LIN7A: variants seen among roughly 807,000 people sequenced by gnomAD.
LIN7A encodes lin-7 cell polarity scaffold A.
In LIN7A, 25 loss-of-function variants were observed where a neutral mutation model predicts 29.8. That is an observed-to-expected ratio of 0.84 (90% CI 0.61 to 1.17). The LOEUF is 1.17. Ranked by LOEUF, LIN7A falls within the 50% of genes most tolerant of loss-of-function variation. The probability of loss-of-function intolerance (pLI) is 0.00; values close to 1 mark genes in which losing one functional copy is unlikely to be tolerated. For missense variants in LIN7A, 239 were observed against 287.0 expected, an observed-to-expected ratio of 0.83 and a Z score of 1.21; for synonymous variants, 118 against 107.5, an observed-to-expected ratio of 1.10 and a Z score of -0.60.
At chr12:80,875,552 C>T (rs1874643229) in intron 2 of LIN7A, among the ~76,000 whole-genome samples, 1 of 152,086 alleles carries the variant, frequency 6.6e-6, no homozygotes, top group Non-Finnish European at 1.5e-5. Flanking sequence ...AGGGTGGAAG[C>T]CATTTTAATG....
intron 1 of LIN7A, among the ~76,000 whole-genome samples, chr12:80,896,058 C>T (rs1592932330): frequency 6.6e-6 from 1 of 152,284 alleles, no homozygotes; most frequent in East Asian, 1.9e-4. Flanking sequence ...AATATTGATG[C>T]TATAGAGACA....
At chr12:80,897,783 C>T (rs1027148633) in intron 1 of LIN7A, among the ~76,000 whole-genome samples, 1 of 151,458 alleles carries the variant, frequency 6.6e-6, no homozygotes, top group South Asian at 2.1e-4. Flanking sequence ...CCAGCCTGGG[C>T]GACAGAGTAA....
chr12:80,890,826 T>C (rs550749624), intron 1 of LIN7A, among the ~76,000 whole-genome samples: 131 of 152,242 alleles, frequency 8.6e-4, no homozygotes, highest in African/African-American at 2.6e-3. Context: ...AAAGATACTC[T>C]ACCTAGGCTG....
intron 5 of LIN7A, among the ~76,000 whole-genome samples, chr12:80,809,647 C>T (rs1193155839): frequency 6.6e-6 from 1 of 152,130 alleles, no homozygotes; most frequent in Non-Finnish European, 1.5e-5. Context: ...TTTATTGATA[C>T]TTGCCTTGAA....
At chr12:80,841,034 T>G (rs1460435233) in intron 4 of LIN7A, among the ~76,000 whole-genome samples, 1 of 152,184 alleles carries the variant, frequency 6.6e-6, no homozygotes, top group Non-Finnish European at 1.5e-5. Flanking sequence ...TGCCATCTGG[T>G]GCCCCATACA....
At chr12:80,910,414 G>GC (rs1876695010) in intron 1 of LIN7A, among the ~76,000 whole-genome samples, 2 of 152,084 alleles carry the variant, frequency 1.3e-5, no homozygotes, top group Non-Finnish European at 2.9e-5. Flanking sequence ...CTCATAAAAT[G>GC]CTAAGTAGAA....
chr12:80,895,887 C>A (rs1875865248), intron 1 of LIN7A, among the ~76,000 whole-genome samples: 3 of 152,216 alleles, frequency 2.0e-5, no homozygotes, highest in African/African-American at 7.2e-5. Context: ...AATGTCCTCA[C>A]TGAGCTGTTG....
At chr12:80,933,562 A>G (rs920214205) in intron 1 of LIN7A, among the ~76,000 whole-genome samples, 33 of 152,230 alleles carry the variant, frequency 2.2e-4, no homozygotes, top group African/African-American at 7.9e-4. Flanking sequence ...AGCACTTCAA[A>G]TTTCAACTAA....
intron 2 of LIN7A, among the ~76,000 whole-genome samples, chr12:80,867,872 T>C (rs1463394220): frequency 6.6e-6 from 1 of 152,218 alleles, no homozygotes; most frequent in African/African-American, 2.4e-5. Flanking sequence ...TCAACCCATC[T>C]CCTTAATACA....
intron 2 of LIN7A, among the ~76,000 whole-genome samples, chr12:80,851,984 C>T (rs902696724): frequency 6.6e-6 from 1 of 152,060 alleles, no homozygotes; most frequent in African/African-American, 2.4e-5. Flanking sequence ...TGAGTTGGTT[C>T]AGAAAGTTCA....
chr12:80,923,511 T>C (rs1877423513), intron 1 of LIN7A, among the ~76,000 whole-genome samples: 1 of 152,246 alleles, frequency 6.6e-6, no homozygotes, highest in Non-Finnish European at 1.5e-5. Context: ...TAACATCTGC[T>C]ATTTTTCAAT....
At chr12:80,920,574 T>A (rs550268808) in intron 1 of LIN7A, among the ~76,000 whole-genome samples, 10 of 152,302 alleles carry the variant, frequency 6.6e-5, no homozygotes, top group African/African-American at 2.4e-4. Context: ...AAGGCTCACA[T>A]CAACGTTAGA....
Position 80,911,390 on chromosome 12 carries a change from C to G in LIN7A, c.83-22021G>C, listed in dbSNP as rs1464334176. Among the ~76,000 whole-genome samples, 22 of 149,668 alleles carry G rather than the reference C, an allele frequency of 1.5e-4. No individual in the cohort carries two copies. The Admixed American group carries it at 1.5e-3, about 10-fold the overall frequency. On this transcript the variant is annotated intron_variant, in intron 1 of 5. Transcript: ENST00000552864. ...TTCAGGCTACTGGCAGCTGGGAATACAGGTACATGCCACTGGGTCTGGCTT... is the reference window on the plus strand; with the variant it reads ...TTCAGGCTACTGGCAGCTGGGAATAGAGGTACATGCCACTGGGTCTGGCTT...
chr12:80,848,280 G>C lies in LIN7A; in HGVS notation c.244C>G (p.Pro82Ala). ...MHETITVNGC[P>A]EFRARATAKA... ...GCTGTTGCCCTCGCACGGAATTCGG[G>C]ACAGCCATTAACAGTTATCGTTTCA... Residue 82 changes from proline to alanine, a missense_variant, in exon 3 of 6, where the codon CCC (proline) becomes GCC (alanine). By Grantham distance (27) the Pro-to-Ala change is conservative. Coordinates refer to ENST00000552864, the MANE Select transcript of LIN7A (RefSeq NM_004664.4). The C allele has an allele frequency of 6.2e-7, 1 of 1,613,294 alleles. No individual in the cohort carries two copies. Among genetic ancestry groups the C allele is most frequent in the Non-Finnish European group, 8.5e-7 (1 of 1,179,466 alleles).
intron 1 of LIN7A, among the ~76,000 whole-genome samples, chr12:80,930,137 G>T (rs1877817590): frequency 6.6e-6 from 1 of 152,174 alleles, no homozygotes; most frequent in Non-Finnish European, 1.5e-5. Flanking sequence ...TGCACAAACA[G>T]TTAGACTTGG....
intron 4 of LIN7A, among the ~76,000 whole-genome samples, chr12:80,838,070 A>G (rs766566627): frequency 3.3e-5 from 5 of 152,348 alleles, no homozygotes; most frequent in Admixed American, 6.5e-5. Context: ...AGACTGCACC[A>G]GTAACTAAAC....
At chr12:80,822,379 G>A (rs1871849164) in intron 4 of LIN7A, among the ~76,000 whole-genome samples, 1 of 152,152 alleles carries the variant, frequency 6.6e-6, no homozygotes, top group Non-Finnish European at 1.5e-5. Context: ...CCAACATGGT[G>A]AAACCCCATT....
chr12:80,929,475 A>T (rs1877772653), intron 1 of LIN7A, among the ~76,000 whole-genome samples: 1 of 152,212 alleles, frequency 6.6e-6, no homozygotes, highest in African/African-American at 2.4e-5. Flanking sequence ...GTGCCAAACA[A>T]GACCATGAAC....
chr12:80,934,142 T>C (rs1878074813), intron 1 of LIN7A, among the ~76,000 whole-genome samples: 1 of 152,206 alleles, frequency 6.6e-6, no homozygotes, highest in Non-Finnish European at 1.5e-5. Flanking sequence ...AGGTGATAAA[T>C]GAATATTGAA....
Sources: allele counts gnomAD v4.1 joint callset (sites outside exome capture counted in the v4.1 genomes callset), GRCh38; gene constraint gnomAD v4.1.1; transcripts MANE v1.5; gene names NCBI Gene and HGNC (gene_info 2026-07-23, HGNC 2026-07-21).